Variants in NACAD observed in about 807,000 individuals in gnomAD.
The protein encoded by NACAD is NAC alpha domain containing.
NACAD carries 47 observed loss-of-function variants against 98.9 expected under a neutral mutation model. The observed-to-expected ratio is 0.48, with a 90% CI of 0.38 to 0.61. The LOEUF (loss-of-function observed/expected upper bound fraction) is 0.61, where lower values mean the gene tolerates loss of function less well. NACAD is among the 20% of genes least tolerant of loss of function. The pLI is 0.00. For synonymous variants in NACAD, 696 were observed against 767.2 expected (o/e 0.91, Z 1.53); for missense variants, 1,412 against 1,748.2 (o/e 0.81, Z 3.43).
chr7:45,085,746 C>T lies in NACAD; in HGVS notation c.434G>A (p.Gly145Glu). The T allele has an allele frequency of 6.5e-7, 1 of 1,549,664 alleles. No homozygotes were observed. Among genetic ancestry groups the T allele is most frequent in the Non-Finnish European group, 8.7e-7 (1 of 1,146,770 alleles). The change falls in exon 2 of 8, where the codon GGG becomes GAG. Residue 145 changes from glycine (G) to glutamate (E), a missense_variant. Physicochemically the swap from Gly to Glu is moderately conservative, Grantham distance 98. Coordinates refer to ENST00000490531, the MANE Select transcript of NACAD (RefSeq NM_001146334.2). This position sits in a 1 kb window ranked among gnomAD's most constrained non-coding sequence, Gnocchi z 6.1. Reference protein sequence around the residue: ...ARTALRDQEGGHASPDPPPEL... With the variant: ...ARTALRDQEGEHASPDPPPEL... ...GGGGGGTGGGTCTGGGCTTGCGTGCCCACCCTCCTGGTCCCTGAGCGCTGT... is the reference window on the plus strand; with the variant it reads ...GGGGGGTGGGTCTGGGCTTGCGTGCTCACCCTCCTGGTCCCTGAGCGCTGT...
rs1285411868 is a variant in NACAD, at chr7:45,082,702, C to G, written c.3478G>C (p.Val1160Leu). 2 of 1,519,246 alleles carry G rather than the reference C, an allele frequency of 1.3e-6. No homozygotes were observed. Among genetic ancestry groups the G allele is most frequent in the Admixed American group, 2.1e-5 (1 of 47,326 alleles). 94.1% of individuals were successfully genotyped at this position (1,519,246 alleles called of 1,614,324 possible). A position where few individuals can be genotyped will look rare whatever the true frequency, so the allele number is the denominator to read the frequency against. Residue 1160 changes from valine to leucine, a missense_variant, in exon 2 of 8, where the codon GTG (valine) becomes CTG (leucine). Coordinates refer to ENST00000490531, the MANE Select transcript of NACAD (RefSeq NM_001146334.2). This position sits in a 1 kb window ranked among gnomAD's most constrained non-coding sequence, Gnocchi z 4.5. ...DSCPESSVGA[V>L]SSLDRGCPDA... ...GGGCAGCCTCTGTCCAGACTGGACA[C>G]AGCCCCTACTGAAGACTCTGGGCAG...
rs905746880 is a variant in NACAD at position 45,081,743 on chromosome 7, T to C, written c.4185+12A>G. ...CCTCCCAGAGGCCCACCCTCTTCCC[T>C]GGACTGGGCACCTGGGCTGGACACT... On this transcript the variant is annotated intron_variant, in intron 3 of 7. Transcript: ENST00000490531. The C allele has an allele frequency of 1.6e-5, 25 of 1,551,090 alleles. No individual in the cohort carries two copies. The highest frequency in any genetic ancestry group is 9.8e-5 in the Admixed American group (5 of 50,984).
intron 1 of NACAD, among the ~76,000 whole-genome samples, chr7:45,087,922 T>C (rs1274797665): frequency 1.3e-5 from 2 of 152,072 alleles, no homozygotes; most frequent in African/African-American, 4.8e-5. Context: ...TTTTTATAAC[T>C]CATTCAAGGT....
At position 45,082,532 on chromosome 7, in the gene NACAD, C is replaced by T; in HGVS notation, c.3648G>A (p.Gln1216=). Reference sequence around the variant, plus strand: ...GGGGCCTGTCCACGGGCGTGCTGGGCTGACCCTTGGCAAGGTTTTCTGGGG... The same window carrying T: ...GGGGCCTGTCCACGGGCGTGCTGGGTTGACCCTTGGCAAGGTTTTCTGGGG... ...LQPPENLAKG[Q]PSTPVDRPLG... Residue 1216 remains glutamine, a synonymous_variant, in exon 2 of 8, where the codon CAG becomes CAA. Transcript: ENST00000490531. This position sits in a 1 kb window ranked among gnomAD's most constrained non-coding sequence, Gnocchi z 4.5. 1 of 1,549,288 alleles carries T rather than the reference C, an allele frequency of 6.5e-7. No individual in the cohort carries two copies. Among genetic ancestry groups the T allele is most frequent in the Non-Finnish European group, 8.7e-7 (1 of 1,146,616 alleles).
At position 45,088,578 on chromosome 7, in the gene NACAD, A is replaced by C. The variant is rs1784556996; in HGVS notation, c.67+250T>G. ...GCGAGCCCCACGATCCCTGGGTCGGAAGCCAAGGGCTTAAGCCCCCACGTT... is the reference window on the plus strand; with the variant it reads ...GCGAGCCCCACGATCCCTGGGTCGGCAGCCAAGGGCTTAAGCCCCCACGTT... On this transcript the variant is annotated intron_variant, in intron 1 of 7. Transcript: ENST00000490531. The surrounding 1 kb of genome is among the most constrained non-coding windows in gnomAD (Gnocchi z 5.7). 6.6e-6 allele frequency among the ~76,000 whole-genome samples: 1 copy of C among 152,188 alleles called. No homozygotes were observed. The highest frequency in any genetic ancestry group is 2.4e-5 in the African/African-American group (1 of 41,446).
intron 7 of NACAD, 31 bp downstream of exon 7, chr7:45,080,607 CAG>C (rs1420797017): frequency 2.6e-6 from 4 of 1,551,424 alleles, no homozygotes; most frequent in South Asian, 1.2e-5. Context: ...GGGGACAGCT[CAG>C]GGGTAGGGAA....
At chr7:45,081,921 G>T (rs1366536428) in intron 2 of NACAD, 54 bp from the exon 3 acceptor site, 2 of 1,507,318 alleles carry the variant, frequency 1.3e-6, no homozygotes, top group African/African-American at 2.8e-5. Flanking sequence ...TGGCGGGGAA[G>T]GGGGTTCAGG....
chr7:45,085,752 T>C lies in NACAD; in HGVS notation c.428A>G (p.Glu143Gly). Residue 143 changes from glutamate (E) to glycine (G), a missense_variant, in exon 2 of 8, where the codon GAG (glutamate) becomes GGG (glycine). Transcript: ENST00000490531. The surrounding 1 kb of genome is among the most constrained non-coding windows in gnomAD (Gnocchi z 6.1). The part of the protein sequence containing the change: ...RAARTALRDQ[E>G]GGHASPDPPP... Reference sequence around the variant, plus strand: ...TGGGTCTGGGCTTGCGTGCCCACCCTCCTGGTCCCTGAGCGCTGTCCGGGC... The same window carrying C: ...TGGGTCTGGGCTTGCGTGCCCACCCCCCTGGTCCCTGAGCGCTGTCCGGGC... 1 of 1,549,608 alleles carries C rather than the reference T, an allele frequency of 6.5e-7. No individual in the cohort carries two copies. The highest frequency in any genetic ancestry group is 8.7e-7 in the Non-Finnish European group (1 of 1,146,760).
Position 45,081,805 on chromosome 7 carries a change from G to A in NACAD, c.4135C>T (p.Leu1379=), listed in dbSNP as rs373146200. ...SDSHGESSAE[L]DEQDILAPQT... Reference sequence around the variant, plus strand: ...GGAGCCAAGATGTCCTGCTCGTCCAGCTCGGCTGATGACTCCCCGTGGCTA... The same window carrying A: ...GGAGCCAAGATGTCCTGCTCGTCCAACTCGGCTGATGACTCCCCGTGGCTA... Residue 1379 remains leucine (L), a synonymous_variant, in exon 3 of 8, where the codon CTG becomes TTG. Coordinates refer to ENST00000490531, the MANE Select transcript of NACAD (RefSeq NM_001146334.2). 12 of 1,550,412 alleles carry A rather than the reference G, an allele frequency of 7.7e-6. No homozygotes were observed. The African/African-American group carries it at 1.5e-4, about 19-fold the overall frequency.
intron 4 of NACAD, 150 bp from the exon 5 acceptor site, chr7:45,081,413 C>CTT: frequency 7.9e-7 from 1 of 1,268,624 alleles, no homozygotes; most frequent in South Asian, 1.5e-5. Flanking sequence ...GAGCCTCAGT[C>CTT]TATAAGGGCC....
chr7:45,081,054 G>C, intron 5 of NACAD, 32 bp from the exon 6 acceptor site: 1 of 1,550,976 alleles, frequency 6.4e-7, no homozygotes. Flanking sequence ...TGTCAGTAGA[G>C]CCTGTCCCCC....
At position 45,087,452 on chromosome 7, in the gene NACAD, G is replaced by A. The variant is rs1423446767; in HGVS notation, c.68-1340C>T. Among the ~76,000 whole-genome samples, 9 of 152,250 alleles carry A rather than the reference G, an allele frequency of 5.9e-5. No homozygotes were observed. In the East Asian group the frequency reaches 1.7e-3, roughly 29 times the overall value. On this transcript the variant is annotated intron_variant, in intron 1 of 7. Coordinates refer to ENST00000490531, the MANE Select transcript of NACAD (RefSeq NM_001146334.2). ...GCCAGGTCTTGCCCAAGGTGGGGGA[G>A]CGGCGGCACACAGGGGCCAGCTCTC... is the stretch of plus-strand genomic sequence containing the variant.
At position 45,081,605 on chromosome 7, in the gene NACAD, C is replaced by T. The variant is rs1224047212; in HGVS notation, c.4253G>A (p.Arg1418Gln). The T allele has an allele frequency of 1.9e-6, 3 of 1,551,286 alleles. No individual in the cohort carries two copies. The highest frequency in any genetic ancestry group is 2.6e-6 in the Non-Finnish European group (3 of 1,147,006). ...AKQSRSEKKA[R>Q]KAMSKLGLRQ... Reference sequence around the variant, plus strand: ...CAGAGGGAGCCACCAGCCCACCTTTCGGGCCTTCTTCTCACTGCGACTCTG... The same window carrying T: ...CAGAGGGAGCCACCAGCCCACCTTTTGGGCCTTCTTCTCACTGCGACTCTG... Residue 1418 changes from arginine to glutamine, a missense_variant, in exon 4 of 8, where the codon CGA (arginine) becomes CAA (glutamine). By Grantham distance (43) the Arg-to-Gln change is conservative. Around this residue, in one of 5 missense-constraint regions of NACAD, gnomAD observed 42 missense variants for 82.5 expected, o/e 0.51. Coordinates refer to ENST00000490531, the MANE Select transcript of NACAD (RefSeq NM_001146334.2).
Position 45,085,609 on chromosome 7 carries a change from A to C in NACAD, c.571T>G (p.Cys191Gly). ...TKTTYALLPA[C>G]GPHGDARDSE... is the part of the protein sequence containing the mutation. ...TCCCTGGCGTCCCCGTGGGGCCCAC[A>C]GGCAGGAAGCAGGGCATAGGTGGTC... Residue 191 changes from cysteine (C) to glycine (G), a missense_variant, in exon 2 of 8, where the codon TGT (cysteine) becomes GGT (glycine). Around this residue, in one of 5 missense-constraint regions of NACAD, gnomAD observed 638 missense variants for 722.7 expected, o/e 0.88. Coordinates refer to ENST00000490531, the MANE Select transcript of NACAD (RefSeq NM_001146334.2). The surrounding 1 kb of genome is among the most constrained non-coding windows in gnomAD (Gnocchi z 6.1). 1 of 1,548,846 alleles carries C rather than the reference A, an allele frequency of 6.5e-7. No individual in the cohort carries two copies. Among genetic ancestry groups the C allele is most frequent in the East Asian group, 2.4e-5 (1 of 40,858 alleles).
chr7:45,084,477 T>C lies in NACAD; in HGVS notation c.1703A>G (p.Glu568Gly), dbSNP rs1251457004. ...CPDSPQNLKE[E>G]GGLDLPSGRK... ...GCCAGAGGGGAGGTCCAGCCCTCCT[T>C]CTTCCTTCAAGTTCTGAGGAGAGTC... Residue 568 changes from glutamate to glycine, a missense_variant, in exon 2 of 8, where the codon GAA becomes GGA. Physicochemically the swap from Glu to Gly is moderately conservative, Grantham distance 98 (BLOSUM62 -2). This residue lies in a region of NACAD where 72 missense variants were observed against 198.0 expected (regional missense o/e 0.36). Coordinates refer to ENST00000490531, the MANE Select transcript of NACAD (RefSeq NM_001146334.2). 3 of 1,552,086 alleles carry C rather than the reference T, an allele frequency of 1.9e-6. No individual in the cohort carries two copies. In the East Asian group the frequency reaches 7.3e-5, roughly 38 times the overall value.
At chr7:45,087,214 T>G (rs1366875222) in intron 1 of NACAD, among the ~76,000 whole-genome samples, 1 of 152,256 alleles carries the variant, frequency 6.6e-6, no homozygotes, top group Non-Finnish European at 1.5e-5. Flanking sequence ...GGACTCTTAC[T>G]GGCCTGTATT....
chr7:45,085,360 G>A lies in NACAD; in HGVS notation c.820C>T (p.Pro274Ser). 1 of 1,550,126 alleles carries A rather than the reference G, an allele frequency of 6.5e-7. No individual in the cohort carries two copies. Among genetic ancestry groups the A allele is most frequent in the Non-Finnish European group, 8.7e-7 (1 of 1,146,432 alleles). Residue 274 changes from proline to serine, a missense_variant, in exon 2 of 8, where the codon CCG becomes TCG. By Grantham distance (74) the Pro-to-Ser change is moderately conservative. Coordinates refer to ENST00000490531, the MANE Select transcript of NACAD (RefSeq NM_001146334.2). The surrounding 1 kb of genome is among the most constrained non-coding windows in gnomAD (Gnocchi z 6.1). ...GCAGAGAGGCTGGACTCAGAGGACG[G>A]GGGCTCTGGGGTCCCTGCTGGGTGC... ...ELHPAGTPEP[P>S]SSESSLSADS...
At chr7:45,081,425 T>C (rs1784428907) in intron 4 of NACAD, 162 bp from the exon 5 acceptor site, 1 of 1,245,900 alleles carries the variant, frequency 8.0e-7, no homozygotes, top group Non-Finnish European at 1.1e-6. Flanking sequence ...ATAAGGGCCT[T>C]CTCATGACAT....
Position 45,080,505 on chromosome 7 carries a change from GT to G in NACAD, c.*3del. On this transcript the variant is annotated 3_prime_UTR_variant, in exon 8 of 8. Coordinates refer to ENST00000490531, the MANE Select transcript of NACAD (RefSeq NM_001146334.2). The stretch of plus-strand genomic sequence containing the variant: ...GTAGGATGGCTCCAGCTTCCGGTCA[GT>G]GGCTACATGGTCAGTTCCTGCAGAA... 2.6e-6 allele frequency: 4 copies of G among 1,551,432 alleles called. No individual in the cohort carries two copies. In the South Asian group the frequency reaches 4.8e-5, roughly 18 times the overall value.
Sources: gnomAD v4.1 joint callset for allele counts (sites outside exome capture counted in the v4.1 genomes callset) on GRCh38, gnomAD v4.1.1 for gene constraint, gnomAD v4.1.1 regional missense constraint, Gnocchi (gnomAD v3.1) non-coding constraint, MANE v1.5 for transcripts, NCBI Gene and HGNC (gene_info 2026-07-23, HGNC 2026-07-21) for gene names.